BMERB1: variants seen among roughly 807,000 people sequenced by gnomAD.
The protein encoded by BMERB1 is bMERB domain containing 1, also known as bMERB domain-containing protein 1.
A neutral mutation model predicts 23.6 loss-of-function variants in BMERB1; 12 were observed. The ratio of observed to expected loss-of-function variants is 0.51; its 90% CI spans 0.33 to 0.82. The LOEUF (loss-of-function observed/expected upper bound fraction) is 0.82. BMERB1 is among the 40% of genes least tolerant of loss of function. BMERB1 has a pLI of 0.03. For synonymous variants in BMERB1, 122 were observed against 96.6 expected, an observed-to-expected ratio of 1.26 and a Z score of -1.54; for missense variants, 247 against 255.4, an observed-to-expected ratio of 0.97 and a Z score of 0.22.
At chr16:15,563,885 C>T (rs1182923624) in intron 2 of BMERB1, among the ~76,000 whole-genome samples, 1 of 152,162 alleles carries the variant, frequency 6.6e-6, no homozygotes, top group Non-Finnish European at 1.5e-5. Context: ...ACATCATAGG[C>T]CCCAGTGGGA....
intron 3 of BMERB1, among the ~76,000 whole-genome samples, chr16:15,580,647 A>G (rs933808009): frequency 1.3e-5 from 2 of 149,992 alleles, no homozygotes; most frequent in Non-Finnish European, 2.9e-5. Context: ...TCCCGGGTTC[A>G]TGTCATTCTC....
At chr16:15,568,102 C>T (rs947641045) in intron 3 of BMERB1, 46 bp downstream of exon 3, 5 of 1,577,184 alleles carry the variant, frequency 3.2e-6, no homozygotes, top group Non-Finnish European at 4.3e-6. Flanking sequence ...TGCTTGGGGG[C>T]CCCCAGCCTG....
At chr16:15,549,760 G>T (rs2030029752) in intron 2 of BMERB1, among the ~76,000 whole-genome samples, 1 of 152,020 alleles carries the variant, frequency 6.6e-6, no homozygotes, top group Non-Finnish European at 1.5e-5. Context: ...ACTTACCTTA[G>T]AGCTGCCTTC....
chr16:15,444,123 G>GTTTTTTTTTTTTTTTTTTTTTGTTT (rs2050966981), intron 1 of BMERB1, among the ~76,000 whole-genome samples: 1 of 35,622 alleles, frequency 2.8e-5, no homozygotes, highest in Non-Finnish European at 4.6e-5. Flanking sequence ...CACCAGCTTT[G>GTTTTTTTTTTTTTTTTTTTTTGTTT]TTTTTTTTTT....
At chr16:15,515,177 C>T (rs2051731987) in intron 1 of BMERB1, 128 bp from the exon 2 acceptor site, 5 of 1,299,274 alleles carry the variant, frequency 3.8e-6, no homozygotes, top group African/African-American at 1.5e-5. Flanking sequence ...ATTTGTGGCA[C>T]AGGCTGAAGT....
At chr16:15,500,698 C>T (rs1230341523) in intron 1 of BMERB1, among the ~76,000 whole-genome samples, 1 of 152,232 alleles carries the variant, frequency 6.6e-6, no homozygotes, top group Non-Finnish European at 1.5e-5. Context: ...GTCACCCAAA[C>T]TGTAGTGCAG....
At position 15,502,490 on chromosome 16, in the gene BMERB1, G is replaced by C. The variant is rs2051540694; in HGVS notation, c.107-12815G>C. 6 of 916,818 alleles carry C rather than the reference G, an allele frequency of 6.5e-6. No individual in the cohort carries two copies. The Admixed American group carries it at 1.3e-4, about 19-fold the overall frequency. 56.8% of individuals were successfully genotyped at this position (916,818 alleles called of 1,614,324 possible). A position where few individuals can be genotyped will look rare whatever the true frequency, so the allele number is the denominator to read the frequency against. ...AGTGACTTCATCTCTTTGGGAAACG[G>C]TGACTCATTAAAAGCAACGGGCGGC... is the stretch of plus-strand genomic sequence containing the variant. On this transcript the variant is annotated intron_variant, in intron 1 of 5. Coordinates refer to ENST00000300006, the MANE Select transcript of BMERB1 (RefSeq NM_033201.3).
intron 1 of BMERB1, among the ~76,000 whole-genome samples, chr16:15,437,355 G>A (rs943146436): frequency 3.3e-5 from 5 of 152,162 alleles, no homozygotes; most frequent in African/African-American, 1.2e-4. Flanking sequence ...TGAAAATAGA[G>A]ATTATGTCTT....
chr16:15,581,117 A>G (rs955183473), intron 3 of BMERB1, 100 bp from the exon 4 acceptor site: 9 of 780,512 alleles, frequency 1.2e-5, no homozygotes, highest in Non-Finnish European at 1.8e-5. Context: ...TTGTTTCACC[A>G]TGTTGACCAG....
intron 3 of BMERB1, among the ~76,000 whole-genome samples, chr16:15,577,817 C>T (rs751208815): frequency 6.6e-6 from 1 of 152,210 alleles, no homozygotes; most frequent in Non-Finnish European, 1.5e-5. Context: ...TTTTCCCTCA[C>T]CAGTTGAGTG....
At chr16:15,580,302 C>T (rs1474892822) in intron 3 of BMERB1, among the ~76,000 whole-genome samples, 1 of 152,086 alleles carries the variant, frequency 6.6e-6, no homozygotes, top group East Asian at 1.9e-4. Flanking sequence ...GAGGGTCTCA[C>T]TATGTTGCCC....
chr16:15,457,999 A>G (rs2051099634), intron 1 of BMERB1, among the ~76,000 whole-genome samples: 1 of 152,214 alleles, frequency 6.6e-6, no homozygotes, highest in Non-Finnish European at 1.5e-5. Context: ...TTCACTCACT[A>G]TCACGAGAAC....
chr16:15,536,834 T>A (rs2052030025), intron 2 of BMERB1: 1 of 152,252 alleles, frequency 6.6e-6, no homozygotes, highest in Non-Finnish European at 1.5e-5. Context: ...CCCTCACCTC[T>A]TCGCTGGCTG....
intron 5 of BMERB1, 57 bp downstream of exon 5, chr16:15,583,295 G>A (rs776180627): frequency 5.7e-6 from 8 of 1,407,596 alleles, no homozygotes; most frequent in Non-Finnish European, 8.0e-6. Context: ...TATATTTCAG[G>A]CCAGGCCCAC....
chr16:15,459,478 A>G (rs1473003550), intron 1 of BMERB1, among the ~76,000 whole-genome samples: 2 of 152,212 alleles, frequency 1.3e-5, no homozygotes, highest in Non-Finnish European at 1.5e-5. Context: ...AGGAGTGGCT[A>G]TATTAATATC....
intron 3 of BMERB1, among the ~76,000 whole-genome samples, chr16:15,572,973 G>A (rs938658770): frequency 5.9e-5 from 9 of 152,112 alleles, no homozygotes; most frequent in Non-Finnish European, 1.3e-4. Flanking sequence ...TTTGCCTTCT[G>A]CCGTGATTGT....
intron 1 of BMERB1, among the ~76,000 whole-genome samples, chr16:15,495,313 A>G (rs2051462972): frequency 6.6e-6 from 1 of 152,160 alleles, no homozygotes; most frequent in Non-Finnish European, 1.5e-5. Flanking sequence ...CTCCTGCCTC[A>G]GCCTCCCAAG....
chr16:15,447,788 A>G, intron 1 of BMERB1: 2 of 448,106 alleles, frequency 4.5e-6, no homozygotes, highest in Non-Finnish European at 8.9e-6. Context: ...GTGAGATAAA[A>G]AGGATGGTTA....
chr16:15,473,878 G>A (rs954083364), intron 1 of BMERB1, among the ~76,000 whole-genome samples: 1 of 151,944 alleles, frequency 6.6e-6, no homozygotes, highest in Non-Finnish European at 1.5e-5. Flanking sequence ...CCAGCACTTT[G>A]GGAGGCCGAG....
Sources: allele counts gnomAD v4.1 joint callset (sites outside exome capture counted in the v4.1 genomes callset), GRCh38; gene constraint gnomAD v4.1.1; transcripts MANE v1.5; gene names NCBI Gene and HGNC (gene_info 2026-07-23, HGNC 2026-07-21).